Variants in SENP7 observed in about 807,000 individuals in gnomAD.
SENP7 encodes sentrin-specific protease 7.
Under a neutral mutation model 141.2 loss-of-function variants are expected in SENP7, and 64 were observed. That is an observed-to-expected ratio of 0.45 (90% CI 0.37 to 0.56). SENP7 has a LOEUF of 0.56. Ranked by LOEUF, SENP7 falls within the 20% of genes least tolerant of loss-of-function variation. The pLI, the probability that SENP7 is intolerant of heterozygous loss-of-function variation, is 0.00. For missense variants in SENP7, 1,025 were observed against 1,212.2 expected (o/e 0.85, Z 2.29); for synonymous variants, 382 against 426.4 (o/e 0.90, Z 1.28).
chr3:101,417,035 A>C (rs2061644246), intron 5 of SENP7, among the ~76,000 whole-genome samples: 1 of 152,140 alleles, frequency 6.6e-6, no homozygotes, highest in African/African-American at 2.4e-5. Context: ...AAAAACACAA[A>C]ACAGAAATTG....
chr3:101,482,865 C>A (rs917389940), intron 3 of SENP7, among the ~76,000 whole-genome samples: 5 of 151,974 alleles, frequency 3.3e-5, no homozygotes, highest in Admixed American at 6.6e-5. Context: ...GAAAAAAGTT[C>A]CTTTCAATCC....
At chr3:101,463,020 C>T (rs1447359214) in intron 3 of SENP7, among the ~76,000 whole-genome samples, 1 of 152,232 alleles carries the variant, frequency 6.6e-6, no homozygotes, top group East Asian at 1.9e-4. Context: ...TGACAACAGA[C>T]TCATATCCTT....
intron 5 of SENP7, among the ~76,000 whole-genome samples, chr3:101,407,348 A>G (rs1417954687): frequency 4.6e-5 from 7 of 152,224 alleles, no homozygotes; most frequent in African/African-American, 1.7e-4. Context: ...GGGGACTTCA[A>G]TATTCCACTC....
chr3:101,431,659 C>T (rs1201049730), intron 4 of SENP7, among the ~76,000 whole-genome samples: 5 of 151,818 alleles, frequency 3.3e-5, no homozygotes, highest in Non-Finnish European at 1.5e-5. Context: ...TGGCGTGGGT[C>T]TGTAGTCCTA....
intron 4 of SENP7, among the ~76,000 whole-genome samples, chr3:101,436,312 GA>G (rs2062385782): frequency 6.6e-6 from 1 of 152,090 alleles, no homozygotes; most frequent in Non-Finnish European, 1.5e-5. Flanking sequence ...CCCAAACTAT[GA>G]AACTACTACA....
chr3:101,376,983 A>G (rs535619510), intron 6 of SENP7, among the ~76,000 whole-genome samples: 2 of 152,304 alleles, frequency 1.3e-5, no homozygotes, highest in Admixed American at 6.5e-5. Flanking sequence ...TTAAACAACC[A>G]TCAGAAGAAA....
intron 5 of SENP7, among the ~76,000 whole-genome samples, chr3:101,416,240 T>G (rs939221105): frequency 6.9e-6 from 1 of 144,574 alleles, no homozygotes; most frequent in African/African-American, 2.5e-5. Context: ...AGAATCTTAC[T>G]GGGACTCTTT....
At chr3:101,377,071 C>T (rs1288203543) in intron 6 of SENP7, among the ~76,000 whole-genome samples, 1 of 151,926 alleles carries the variant, frequency 6.6e-6, no homozygotes, top group Non-Finnish European at 1.5e-5. Flanking sequence ...AAAATATGAT[C>T]GGATTCAACC....
chr3:101,491,984 G>A (rs766555510), intron 3 of SENP7, among the ~76,000 whole-genome samples: 6 of 152,102 alleles, frequency 3.9e-5, no homozygotes, highest in Non-Finnish European at 8.8e-5. Flanking sequence ...CCCAGCTACT[G>A]GGGAGGCTGA....
chr3:101,366,787 G>A lies in SENP7; in HGVS notation c.979-18C>T, dbSNP rs1559725860. Reference sequence around the variant, plus strand: ...TGTTTTTTCTAAACATAAACACATAGAAAAAAATAGCATTTTTCAAATTTG... The same window carrying A: ...TGTTTTTTCTAAACATAAACACATAAAAAAAAATAGCATTTTTCAAATTTG... On this transcript the variant is annotated intron_variant, in intron 8 of 23. Coordinates refer to ENST00000394095, the MANE Select transcript of SENP7 (RefSeq NM_020654.5). The A allele has an allele frequency of 3.4e-6, 5 of 1,489,814 alleles. No individual in the cohort carries two copies. Among genetic ancestry groups the A allele is most frequent in the Admixed American group, 2.3e-5 (1 of 44,438 alleles). 92.3% of individuals were successfully genotyped at this position (1,489,814 alleles called of 1,614,324 possible).
intron 13 of SENP7, among the ~76,000 whole-genome samples, chr3:101,345,441 G>A (rs934832547): frequency 6.6e-6 from 1 of 152,132 alleles, no homozygotes; most frequent in Non-Finnish European, 1.5e-5. Context: ...TCCTTGGCTA[G>A]CTATATTCCT....
At chr3:101,363,358 A>G (rs922153727) in intron 10 of SENP7, among the ~76,000 whole-genome samples, 3 of 152,220 alleles carry the variant, frequency 2.0e-5, no homozygotes, top group African/African-American at 7.2e-5. Flanking sequence ...TGGCTCCTAA[A>G]AATGACCAAT....
chr3:101,426,295 A>AC (rs1317882702), intron 4 of SENP7, among the ~76,000 whole-genome samples: 2 of 152,138 alleles, frequency 1.3e-5, no homozygotes, highest in East Asian at 3.9e-4. Context: ...AAAAAATGTT[A>AC]CAGGCAGCTA....
chr3:101,437,847 T>C (rs2062449789), intron 4 of SENP7, among the ~76,000 whole-genome samples: 1 of 152,094 alleles, frequency 6.6e-6, no homozygotes. Context: ...AGATGCTTAG[T>C]ATCATTTATA....
chr3:101,366,345 T>C (rs1351513365), intron 9 of SENP7, 85 bp downstream of exon 9: 31 of 1,033,630 alleles, frequency 3.0e-5, no homozygotes, highest in Non-Finnish European at 4.3e-5. Context: ...CTTATGGCCT[T>C]AGCCAAATTT....
At chr3:101,406,948 G>A (rs1005749208) in intron 5 of SENP7, among the ~76,000 whole-genome samples, 6 of 152,154 alleles carry the variant, frequency 3.9e-5, no homozygotes, top group Non-Finnish European at 8.8e-5. Flanking sequence ...TATCAGCCAA[G>A]AATTTTGTAT....
chr3:101,507,831 A>T (rs1202464408), intron 1 of SENP7, among the ~76,000 whole-genome samples: 1 of 151,964 alleles, frequency 6.6e-6, no homozygotes, highest in Non-Finnish European at 1.5e-5. Context: ...CAGGTGGACC[A>T]TGATATCAAG....
At chr3:101,368,802 GTGACTTTA>G (rs2060106878) in intron 7 of SENP7, among the ~76,000 whole-genome samples, 1 of 152,094 alleles carries the variant, frequency 6.6e-6, no homozygotes, top group Non-Finnish European at 1.5e-5. Flanking sequence ...ATAATTCAAT[GTGACTTTA>G]TAAACTAAGT....
At chr3:101,364,427 T>A (rs1471688986) in intron 10 of SENP7, among the ~76,000 whole-genome samples, 2 of 152,214 alleles carry the variant, frequency 1.3e-5, no homozygotes, top group African/African-American at 4.8e-5. Context: ...TCCAAAGCCA[T>A]GTTCTTTCCT....
Sources: gnomAD v4.1 joint callset for allele counts (sites outside exome capture counted in the v4.1 genomes callset) on GRCh38, gnomAD v4.1.1 for gene constraint, MANE v1.5 for transcripts, NCBI Gene and HGNC (gene_info 2026-07-23, HGNC 2026-07-21) for gene names.